MICAL3: variants seen among roughly 807,000 people sequenced by gnomAD.
MICAL3 encodes the protein [F-actin]-monooxygenase MICAL3.
Under a neutral mutation model 207.4 loss-of-function variants are expected in MICAL3, and 62 were observed. That is an observed-to-expected ratio of 0.30 (90% CI 0.24 to 0.37). The LOEUF (loss-of-function observed/expected upper bound fraction) is 0.37. Ranked by LOEUF, MICAL3 falls within the 10% of genes least tolerant of loss-of-function variation. The pLI is 1.00. For missense variants in MICAL3, 2,368 were observed against 2,635.6 expected (o/e 0.90, Z 2.22); for synonymous variants, 1,077 against 1,069.3 (o/e 1.01, Z -0.14).
chr22:17,877,590 G>C (rs1428955324), intron 16 of MICAL3, among the ~76,000 whole-genome samples: 1 of 151,268 alleles, frequency 6.6e-6, no homozygotes, highest in South Asian at 2.1e-4. Flanking sequence ...AGTTATGGAG[G>C]TTAGGGAGGT....
At chr22:17,936,147 T>C (rs1001457947) in intron 1 of MICAL3, among the ~76,000 whole-genome samples, 1 of 152,172 alleles carries the variant, frequency 6.6e-6, no homozygotes, top group African/African-American at 2.4e-5. Flanking sequence ...TGCGGCACTA[T>C]TCACAATAGC....
chr22:17,818,079 C>A lies in MICAL3; in HGVS notation c.4582G>T (p.Asp1528Tyr). The A allele has an allele frequency of 6.2e-7, 1 of 1,613,118 alleles. No homozygotes were observed. The highest frequency in any genetic ancestry group is 8.5e-7 in the Non-Finnish European group (1 of 1,179,762). The change falls in exon 26 of 32, where the codon GAC (aspartate) becomes TAC (tyrosine). Residue 1528 changes from aspartate to tyrosine, a missense_variant. This residue lies in a region of MICAL3 where 1,770 missense variants were observed against 1,863.2 expected (regional missense o/e 0.95). Transcript: ENST00000441493. ...TCCTCAGTCTTGTCGTCATAGGTGT[C>A]CTCCACATCATCAGCAAAGGGAATC... ...EEIPFADDVE[D>Y]TYDDKTEDSS...
At chr22:17,811,720 C>T (rs2062049932) in intron 27 of MICAL3, among the ~76,000 whole-genome samples, 1 of 152,152 alleles carries the variant, frequency 6.6e-6, no homozygotes, top group Admixed American at 6.5e-5. Context: ...CTCTTTATTG[C>T]CTCTAAGAAA....
intron 19 of MICAL3, among the ~76,000 whole-genome samples, chr22:17,858,151 C>T (rs1049947557): frequency 7.9e-5 from 12 of 152,208 alleles, no homozygotes; most frequent in Admixed American, 7.2e-4. Context: ...GGCAATGAAA[C>T]GTGTTTCTGC....
chr22:17,792,504 G>A (rs1311836389), intron 29 of MICAL3, among the ~76,000 whole-genome samples: 2 of 152,172 alleles, frequency 1.3e-5, no homozygotes, highest in Non-Finnish European at 2.9e-5. Flanking sequence ...AGGAGTGTGA[G>A]GAACACAGCC....
At chr22:17,972,409 G>A (rs773875824) in intron 1 of MICAL3, among the ~76,000 whole-genome samples, 4 of 152,164 alleles carry the variant, frequency 2.6e-5, no homozygotes, top group Admixed American at 6.5e-5. Context: ...AATCTGGAGC[G>A]AACCAGGCTA....
At chr22:18,003,831 G>A (rs1379018061) in intron 1 of MICAL3, among the ~76,000 whole-genome samples, 1 of 151,564 alleles carries the variant, frequency 6.6e-6, no homozygotes, top group Non-Finnish European at 1.5e-5. Flanking sequence ...GTGCGGTGGT[G>A]CCATCTCAGC....
At chr22:17,888,534 G>C (rs1450242841) in intron 13 of MICAL3, among the ~76,000 whole-genome samples, 2 of 152,164 alleles carry the variant, frequency 1.3e-5, no homozygotes, top group African/African-American at 4.8e-5. Context: ...CCACGAAAAG[G>C]GACATCGTTC....
intron 1 of MICAL3, among the ~76,000 whole-genome samples, chr22:17,974,044 T>C (rs547952974): frequency 6.6e-6 from 1 of 152,336 alleles, no homozygotes; most frequent in East Asian, 1.9e-4. Context: ...CTGGAAATCA[T>C]ACTTCCCTCT....
intron 16 of MICAL3, among the ~76,000 whole-genome samples, chr22:17,885,259 A>G (rs911069735): frequency 1.4e-4 from 21 of 152,242 alleles, no homozygotes; most frequent in Admixed American, 6.5e-5. Context: ...GCTTTATCAT[A>G]AGAACGCTTA....
At chr22:17,854,595 T>C (rs73386304) in intron 19 of MICAL3, among the ~76,000 whole-genome samples, 7,361 of 152,042 alleles carry the variant, frequency 0.048, 519 homozygotes, top group African/African-American at 0.16. Context: ...GTGACAAACT[T>C]GGTCACTGCC....
In MICAL3 at chr22:17,930,516, T is replaced by A. The variant is rs9618167; in HGVS notation, c.-74-23630A>T. On this transcript the variant is annotated intron_variant, in intron 1 of 31. Transcript: ENST00000441493. ...CAACATCCAGCCACACCGATGAAAC[T>A]CACAGATTAGTGCTGGGCAAGAGAG... Among the ~76,000 whole-genome samples, 1,441 of 152,152 alleles carry A rather than the reference T, an allele frequency of 9.5e-3. 18 individuals carry two copies. The highest frequency in any genetic ancestry group is 0.032 in the African/African-American group (1,343 of 41,484).
At chr22:17,865,177 C>A (rs1926956785) in intron 18 of MICAL3, among the ~76,000 whole-genome samples, 191 bp from the exon 19 acceptor site, 1 of 151,884 alleles carries the variant, frequency 6.6e-6, no homozygotes, top group Non-Finnish European at 1.5e-5. Flanking sequence ...GCGGCATCAT[C>A]ATAGCTCACT....
intron 1 of MICAL3, among the ~76,000 whole-genome samples, chr22:17,969,535 CCTTCCTT>C (rs201951965): frequency 0.011 from 1,660 of 152,056 alleles, 38 homozygotes; most frequent in African/African-American, 0.038. Flanking sequence ...TTTTTCTCTT[CCTTCCTT>C]CTTCCTTCTT....
At chr22:17,904,555 A>G (rs1196923457) in intron 3 of MICAL3, 77 bp downstream of exon 3, 1 of 1,099,974 alleles carries the variant, frequency 9.1e-7, no homozygotes, top group Non-Finnish European at 1.4e-6. Context: ...TTCCTCAGCT[A>G]ATCTGCCTGT....
chr22:17,871,665 A>T (rs914590074), intron 17 of MICAL3, among the ~76,000 whole-genome samples, 172 bp downstream of exon 17: 3 of 152,244 alleles, frequency 2.0e-5, no homozygotes, highest in Non-Finnish European at 4.4e-5. Flanking sequence ...CTGATAAGTA[A>T]GAGTCTTAGA....
In MICAL3 at chr22:17,883,256, C is replaced by T. The variant is rs1386956738; in HGVS notation, c.2241+2622G>A. ...CTCATGCACAGAGAAAGAATGAATT[C>T]GCCTTCTGTCGTGAGTTTGGACACT... On this transcript the variant is annotated intron_variant, in intron 16 of 31. Coordinates refer to ENST00000441493, the MANE Select transcript of MICAL3 (RefSeq NM_015241.3). Among the ~76,000 whole-genome samples the T allele has an allele frequency of 7.2e-5, 11 of 152,212 alleles. No homozygotes were observed. In the East Asian group the frequency reaches 7.7e-4, roughly 11 times the overall value.
chr22:17,985,109 A>G (rs549488130), intron 1 of MICAL3, among the ~76,000 whole-genome samples: 1 of 152,362 alleles, frequency 6.6e-6, no homozygotes, highest in African/African-American at 2.4e-5. Flanking sequence ...AAGCCACGCA[A>G]GAGTTGAGGG....
At chr22:18,016,306 C>T (rs1050710571) in intron 1 of MICAL3, among the ~76,000 whole-genome samples, 7 of 152,194 alleles carry the variant, frequency 4.6e-5, no homozygotes, top group African/African-American at 1.7e-4. Context: ...TGCATTGCCT[C>T]ATGTAGATGA....
Sources: allele counts gnomAD v4.1 joint callset (sites outside exome capture counted in the v4.1 genomes callset), GRCh38; gene constraint gnomAD v4.1.1; regional missense constraint gnomAD v4.1.1; transcripts MANE v1.5; gene names NCBI Gene and HGNC (gene_info 2026-07-23, HGNC 2026-07-21).